Variants in PDLIM5 observed in about 807,000 individuals in gnomAD.
PDLIM5 encodes PDZ and LIM domain 5, also known as PDZ and LIM domain protein 5.
Under a neutral mutation model 64.2 loss-of-function variants are expected in PDLIM5, and 34 were observed. The observed-to-expected ratio is 0.53, with a 90% confidence interval of 0.40 to 0.71. PDLIM5 has a LOEUF of 0.71. PDLIM5 is among the 30% of genes least tolerant of loss of function. The pLI, the probability that PDLIM5 is intolerant of heterozygous loss-of-function variation, is 0.00. For synonymous variants in PDLIM5, 253 were observed against 269.1 expected (o/e 0.94, Z 0.59); for missense variants, 683 against 733.6 (o/e 0.93, Z 0.80).
chr4:94,568,817 C>T (rs1005997664), intron 3 of PDLIM5, among the ~76,000 whole-genome samples: 3 of 152,066 alleles, frequency 2.0e-5, no homozygotes, highest in East Asian at 1.9e-4. Flanking sequence ...AAAAATATGT[C>T]ATATACTAAT....
chr4:94,557,344 C>T (rs868405825), intron 3 of PDLIM5, among the ~76,000 whole-genome samples: 12 of 152,116 alleles, frequency 7.9e-5, no homozygotes, highest in African/African-American at 2.4e-4. Flanking sequence ...TAGTGTGATG[C>T]CTCCAGCTTT....
At chr4:94,507,616 A>G (rs1728501550) in intron 2 of PDLIM5, among the ~76,000 whole-genome samples, 1 of 152,234 alleles carries the variant, frequency 6.6e-6, no homozygotes, top group Non-Finnish European at 1.5e-5. Flanking sequence ...TGGTCTCAGC[A>G]TTCAATAATT....
Position 94,582,673 on chromosome 4 carries a change from C to G in PDLIM5, c.711-2892C>G, listed in dbSNP as rs745605580. Reference sequence around the variant, plus strand: ...CTTCCGGGGAACATCAATGTCTTCTCTACTCTATCGCATCTTTTTTTGTGT... The same window carrying G: ...CTTCCGGGGAACATCAATGTCTTCTGTACTCTATCGCATCTTTTTTTGTGT... On this transcript the variant is annotated intron_variant, in intron 5 of 12. Transcript: ENST00000317968. 9.8e-6 allele frequency: 14 copies of G among 1,430,266 alleles called. No homozygotes were observed. The Admixed American group carries it at 2.2e-4, about 23-fold the overall frequency. 88.6% of individuals were successfully genotyped at this position (1,430,266 alleles called of 1,614,324 possible). A position where few individuals can be genotyped will look rare whatever the true frequency, so the allele number is the denominator to read the frequency against.
chr4:94,565,823 A>T lies in PDLIM5; in HGVS notation c.249-7528A>T, dbSNP rs528412250. ...TCACTGGGAATTTTGTGAAGAACTT[A>T]ATCTCTTATTTATGTGCATATTGTA... is the stretch of plus-strand genomic sequence containing the variant. On this transcript the variant is annotated intron_variant, in intron 3 of 12. Coordinates refer to ENST00000317968, the MANE Select transcript of PDLIM5 (RefSeq NM_006457.5). 2.2e-4 allele frequency among the ~76,000 whole-genome samples: 34 copies of T among 152,280 alleles called. 1 individual carries two copies. The South Asian group carries it at 5.0e-3, about 22-fold the overall frequency.
At chr4:94,532,806 C>T (rs913313395) in intron 3 of PDLIM5, among the ~76,000 whole-genome samples, 1 of 152,116 alleles carries the variant, frequency 6.6e-6, no homozygotes, top group African/African-American at 2.4e-5. Context: ...CAAGACCAGC[C>T]TGACCAACAT....
At chr4:94,487,061 AGAAG>A (rs1258995263) in intron 2 of PDLIM5, among the ~76,000 whole-genome samples, 2 of 152,188 alleles carry the variant, frequency 1.3e-5, no homozygotes, top group Non-Finnish European at 1.5e-5. Flanking sequence ...GTGGCTGAAT[AGAAG>A]GAAGGGAGTC....
At chr4:94,590,514 G>A (rs1471276205) in intron 7 of PDLIM5, among the ~76,000 whole-genome samples, 1 of 152,162 alleles carries the variant, frequency 6.6e-6, no homozygotes, top group Non-Finnish European at 1.5e-5. Flanking sequence ...AAATGTATAA[G>A]CAAGATGATC....
chr4:94,586,969 T>G, intron 7 of PDLIM5: 1 of 1,526,936 alleles, frequency 6.5e-7, no homozygotes, highest in Non-Finnish European at 8.8e-7. Context: ...TTTTTTTTTT[T>G]TTTTTTTGTA....
At chr4:94,489,940 G>A (rs1726709835) in intron 2 of PDLIM5, among the ~76,000 whole-genome samples, 1 of 151,642 alleles carries the variant, frequency 6.6e-6, no homozygotes, top group Non-Finnish European at 1.5e-5. Context: ...ATATATCATG[G>A]GTATGTGTCC....
rs941969031 is a variant in PDLIM5 at position 94,611,000 on chromosome 4, C to T, written c.921-7004C>T. The T allele has an allele frequency of 9.3e-6, 11 of 1,180,230 alleles. No homozygotes were observed. In the South Asian group the frequency reaches 1.5e-4, roughly 16 times the overall value. The allele number at this position is 1,180,230 out of a possible 1,614,324, so 73.1% of individuals were successfully genotyped here. On this transcript the variant is annotated intron_variant, in intron 7 of 12. Transcript: ENST00000317968. ...TAAAGGAAATGTTTCAAATCACAGA[C>T]CTTAAGAACTACTGTCTGCTATTGG...
chr4:94,616,708 G>GT (rs1333534919), intron 7 of PDLIM5, among the ~76,000 whole-genome samples: 64 of 152,246 alleles, frequency 4.2e-4, no homozygotes, highest in Admixed American at 1.8e-3. Context: ...ACAGGTTTTA[G>GT]TTTTTTAAGT....
intron 2 of PDLIM5, among the ~76,000 whole-genome samples, chr4:94,461,135 C>T (rs896290816): frequency 6.6e-6 from 1 of 152,200 alleles, no homozygotes; most frequent in Non-Finnish European, 1.5e-5. Flanking sequence ...TTAGTTATTT[C>T]TAGAAGCAAA....
intron 2 of PDLIM5, among the ~76,000 whole-genome samples, chr4:94,483,236 C>G (rs964303829): frequency 8.5e-5 from 13 of 152,128 alleles, no homozygotes; most frequent in African/African-American, 3.1e-4. Context: ...TAATTTCCTT[C>G]TGATCATAAT....
chr4:94,496,827 A>G (rs1348433529), intron 2 of PDLIM5, among the ~76,000 whole-genome samples: 1 of 152,196 alleles, frequency 6.6e-6, no homozygotes, highest in African/African-American at 2.4e-5. Flanking sequence ...CTGACAATTC[A>G]CTGCTAATTT....
intron 2 of PDLIM5, among the ~76,000 whole-genome samples, chr4:94,469,836 G>A (rs1724691749): frequency 6.6e-6 from 1 of 151,948 alleles, no homozygotes; most frequent in African/African-American, 2.4e-5. Flanking sequence ...TGACTATTTG[G>A]AAGTGAAACA....
intron 2 of PDLIM5, among the ~76,000 whole-genome samples, chr4:94,492,329 G>A (rs1478150837): frequency 1.3e-5 from 2 of 150,386 alleles, no homozygotes; most frequent in Non-Finnish European, 3.0e-5. Flanking sequence ...CTCTCTTTCT[G>A]ATTGGAATGA....
intron 11 of PDLIM5, among the ~76,000 whole-genome samples, chr4:94,658,733 G>A (rs1742414562): frequency 6.6e-6 from 1 of 152,136 alleles, no homozygotes; most frequent in Admixed American, 6.5e-5. Context: ...AACCAACCTG[G>A]ATATATTCCA....
intron 8 of PDLIM5, among the ~76,000 whole-genome samples, chr4:94,620,359 C>T (rs949953934): frequency 1.3e-5 from 2 of 152,052 alleles, no homozygotes; most frequent in African/African-American, 4.8e-5. Context: ...CATGGCAAAA[C>T]CCCATCTCTA....
At chr4:94,485,521 G>A (rs1726233926) in intron 2 of PDLIM5, among the ~76,000 whole-genome samples, 1 of 152,096 alleles carries the variant, frequency 6.6e-6, no homozygotes, top group Non-Finnish European at 1.5e-5. Context: ...GTTCTGTTTA[G>A]TTCATAAACC....
Sources: gnomAD v4.1 joint callset for allele counts (sites outside exome capture counted in the v4.1 genomes callset) on GRCh38, gnomAD v4.1.1 for gene constraint, MANE v1.5 for transcripts, NCBI Gene and HGNC (gene_info 2026-07-23, HGNC 2026-07-21) for gene names.